The following LINGO2 variants were observed in gnomAD, a reference collection of about 807,000 sequenced individuals.
The protein encoded by LINGO2 is leucine rich repeat and Ig domain containing 2.
LINGO2 carries 14 observed loss-of-function variants against 30.6 expected under a neutral mutation model. That is an observed-to-expected ratio of 0.46 (90% confidence interval 0.30 to 0.72). The LOEUF (loss-of-function observed/expected upper bound fraction) is 0.72, where lower values mean the gene tolerates loss of function less well. Among genes scored for constraint, LINGO2 ranks in the 30% least tolerant of loss-of-function variants. The pLI is 0.07. For missense variants in LINGO2, 729 were observed against 751.7 expected (o/e 0.97, Z 0.35); for synonymous variants, 317 against 288.5 (o/e 1.10, Z -1.00).
the LINGO2 span, among the ~76,000 whole-genome samples, chr9:28,954,210 C>G: frequency 6.6e-6 from 1 of 152,088 alleles, no homozygotes; most frequent in African/African-American, 2.4e-5. Context: ...TACCTTAAGC[C>G]TCAATAGCTT....
At chr9:27,977,506 A>G (rs1820656436) in intron 5 of LINGO2, among the ~76,000 whole-genome samples, 1 of 152,014 alleles carries the variant, frequency 6.6e-6, no homozygotes, top group Non-Finnish European at 1.5e-5. Context: ...ACAAGTATAA[A>G]TAAAAATAAT....
At chr9:28,225,486 A>T (rs1406319067) in intron 4 of LINGO2, among the ~76,000 whole-genome samples, 2 of 152,138 alleles carry the variant, frequency 1.3e-5, no homozygotes, top group East Asian at 3.9e-4. Context: ...TTCTTCCTAA[A>T]CATAATGTCA....
the LINGO2 span, among the ~76,000 whole-genome samples, chr9:28,922,477 T>G: frequency 5.9e-5 from 9 of 152,106 alleles, no homozygotes; most frequent in Non-Finnish European, 4.4e-5. Flanking sequence ...TCAATGGATA[T>G]CCACTGTAAG....
intron 2 of LINGO2, among the ~76,000 whole-genome samples, chr9:28,431,071 A>AG (rs58316928): frequency 2.5e-4 from 37 of 148,800 alleles, no homozygotes; most frequent in Middle Eastern, 6.9e-3. Context: ...AGAGAGAGAG[A>AG]AACTCAAGGC....
intron 5 of LINGO2, among the ~76,000 whole-genome samples, chr9:27,999,431 ATCT>A (rs1050401963): frequency 2.2e-5 from 3 of 137,444 alleles, no homozygotes; most frequent in African/African-American, 8.7e-5. Flanking sequence ...ACAGTGCCTA[ATCT>A]TCAGAGAGAG....
the LINGO2 span, among the ~76,000 whole-genome samples, chr9:28,728,455 T>C: frequency 0.019 from 2,873 of 147,594 alleles, 97 homozygotes; most frequent in African/African-American, 0.067. Context: ...AAGAAGTAAA[T>C]GAATAAATCA....
intron 1 of LINGO2, among the ~76,000 whole-genome samples, chr9:28,533,967 T>C (rs1205489101): frequency 1.3e-5 from 2 of 152,300 alleles, no homozygotes; most frequent in African/African-American, 4.8e-5. Flanking sequence ...CTGTGACCTA[T>C]ACATTGATAA....
intron 4 of LINGO2, among the ~76,000 whole-genome samples, chr9:28,062,701 A>G (rs1307500944): frequency 6.7e-6 from 1 of 148,740 alleles, no homozygotes; most frequent in Admixed American, 6.8e-5. Context: ...ATATATATAT[A>G]CAAAATTTCT....
chr9:28,429,384 T>C (rs1823552278), intron 2 of LINGO2, among the ~76,000 whole-genome samples: 1 of 152,126 alleles, frequency 6.6e-6, no homozygotes, highest in Admixed American at 6.6e-5. Context: ...AATGACAATG[T>C]GTTAGTCCCA....
At chr9:27,981,743 A>C (rs1820889261) in intron 5 of LINGO2, among the ~76,000 whole-genome samples, 1 of 151,566 alleles carries the variant, frequency 6.6e-6, no homozygotes, top group Non-Finnish European at 1.5e-5. Flanking sequence ...AAGTAAAGTG[A>C]CAGAGTTTAG....
At chr9:28,215,693 C>A (rs1226096340) in intron 4 of LINGO2, among the ~76,000 whole-genome samples, 1 of 151,516 alleles carries the variant, frequency 6.6e-6, no homozygotes, top group Non-Finnish European at 1.5e-5. Flanking sequence ...AGTGTCTAAT[C>A]CACTATATCA....
At chr9:28,948,684 ATCT>A in the LINGO2 span, among the ~76,000 whole-genome samples, 1 of 152,234 alleles carries the variant, frequency 6.6e-6, no homozygotes, top group East Asian at 1.9e-4. Context: ...ATTACAATAA[ATCT>A]TCTACAAAAT....
chr9:28,789,445 G>T, the LINGO2 span, among the ~76,000 whole-genome samples: 1,410 of 152,142 alleles, frequency 9.3e-3, 21 homozygotes, highest in African/African-American at 0.032. Flanking sequence ...ATCACTGTTT[G>T]CCCAGCTTGG....
intron 4 of LINGO2, among the ~76,000 whole-genome samples, chr9:28,079,937 G>A (rs950996767): frequency 5.3e-5 from 8 of 152,128 alleles, no homozygotes; most frequent in Admixed American, 1.3e-4. Flanking sequence ...CCTCAACTCC[G>A]TTGCCGAAGT....
At chr9:28,870,132 G>C in the LINGO2 span, among the ~76,000 whole-genome samples, 2 of 151,786 alleles carry the variant, frequency 1.3e-5, no homozygotes, top group African/African-American at 4.8e-5. Flanking sequence ...CATTGAAATG[G>C]TACACAATTT....
the LINGO2 span, among the ~76,000 whole-genome samples, chr9:29,157,156 G>A: frequency 1.6e-3 from 238 of 152,172 alleles, no homozygotes; most frequent in African/African-American, 4.5e-3. Flanking sequence ...GTCATTGAGC[G>A]TATGATATTT....
intron 1 of LINGO2, among the ~76,000 whole-genome samples, chr9:28,576,478 G>T (rs1375384777): frequency 6.6e-6 from 1 of 152,090 alleles, no homozygotes; most frequent in African/African-American, 2.4e-5. Context: ...TTTGAATAAA[G>T]ATCATGTACA....
intron 5 of LINGO2, among the ~76,000 whole-genome samples, chr9:27,997,307 T>C (rs1029798082): frequency 1.7e-4 from 26 of 152,204 alleles, no homozygotes; most frequent in Admixed American, 2.6e-4. Flanking sequence ...CTGTTCTTTG[T>C]AGAATTCAGC....
chr9:28,392,868 A>G (rs1821894300), intron 2 of LINGO2, among the ~76,000 whole-genome samples: 1 of 152,240 alleles, frequency 6.6e-6, no homozygotes, highest in South Asian at 2.1e-4. Context: ...GACAAAGATC[A>G]AAAATATTTC....
Sources: allele counts gnomAD v4.1 joint callset (sites outside exome capture counted in the v4.1 genomes callset), GRCh38; gene constraint gnomAD v4.1.1; transcripts MANE v1.5; gene names NCBI Gene and HGNC (gene_info 2026-07-23, HGNC 2026-07-21).